Variants in PAK6 observed in about 807,000 individuals in gnomAD.
The protein encoded by PAK6 is serine/threonine-protein kinase PAK 6.
In PAK6, 33 loss-of-function variants were observed where a neutral mutation model predicts 60.8. That is an observed-to-expected ratio of 0.54 (90% CI 0.41 to 0.73). PAK6 has a LOEUF of 0.73. Ranked by LOEUF, PAK6 falls within the 30% of genes least tolerant of loss-of-function variation. PAK6 has a pLI of 0.00. For missense variants in PAK6, 845 were observed against 904.1 expected, an observed-to-expected ratio of 0.93 and a Z score of 0.84; for synonymous variants, 404 against 378.5, an observed-to-expected ratio of 1.07 and a Z score of -0.78.
At chr15:40,244,589 G>C (rs1162156187) in intron 2 of PAK6, among the ~76,000 whole-genome samples, 1 of 151,592 alleles carries the variant, frequency 6.6e-6, no homozygotes, top group Non-Finnish European at 1.5e-5. Flanking sequence ...GTAGAGATGG[G>C]GTTTCACTAT....
At chr15:40,258,621 T>G (rs113470257) in intron 3 of PAK6, 1 of 152,332 alleles carries the variant, frequency 6.6e-6, no homozygotes, top group African/African-American at 2.4e-5. Context: ...CCCAGGTACA[T>G]AGCTCCTTGA....
chr15:40,255,690 G>A (rs557376871), intron 3 of PAK6, among the ~76,000 whole-genome samples: 2 of 152,306 alleles, frequency 1.3e-5, no homozygotes, highest in East Asian at 1.9e-4. Flanking sequence ...TGGCAGACTC[G>A]GACCCCAGTA....
chr15:40,266,335 T>G (rs2039134910), exon 5 of PAK6: 11 of 1,612,334 alleles, frequency 6.8e-6, no homozygotes, highest in Middle Eastern at 1.7e-4. Flanking sequence ...CAGTCCTGCC[T>G]GGTGGGCTCA....
In PAK6 at chr15:40,273,420, TC is replaced by T; in HGVS notation, c.1566del (p.Ile523SerfsTer12). ...CTGGCCTACCTGCATGCTCAGGGTG[TC>T]ATCCACCGGGACATCAAGAGTGACT... On this transcript the variant is annotated frameshift_variant, in exon 8 of 11. Transcript: ENST00000560346. LOFTEE classifies it high-confidence loss of function. 6.2e-7 allele frequency: 1 copy of T among 1,613,972 alleles called. No individual in the cohort carries two copies. The highest frequency in any genetic ancestry group is 8.5e-7 in the Non-Finnish European group (1 of 1,179,986).
chr15:40,256,182 G>C (rs536835653), intron 3 of PAK6, among the ~76,000 whole-genome samples: 1 of 152,254 alleles, frequency 6.6e-6, no homozygotes, highest in African/African-American at 2.4e-5. Flanking sequence ...CTCTGATCGC[G>C]CCACTGCATT....
chr15:40,265,865 G>A (rs752111070), exon 5 of PAK6: 1 of 1,549,164 alleles, frequency 6.5e-7, no homozygotes, highest in Non-Finnish European at 8.7e-7. Flanking sequence ...GCAGCGCGAT[G>A]CCTGTGGATG....
At position 40,275,280 on chromosome 15, in the gene PAK6, G is replaced by GTTTTCTTTTTTTTTTTTTTTTT. The variant is rs1448905930; in HGVS notation, c.1879-643_1879-642insCTTTTTTTTTTTTTTTTTTTTT. Among the ~76,000 whole-genome samples, 6 of 56,512 alleles carry GTTTTCTTTTTTTTTTTTTTTTT rather than the reference G, an allele frequency of 1.1e-4. 2 individuals carry two copies. The highest frequency in any genetic ancestry group is 1.8e-4 in the Non-Finnish European group (6 of 32,504). 37.1% of individuals were successfully genotyped at this position (56,512 alleles called of 152,430 possible). ...GACTTGTTTGTTTCTGTTGTTGTTGGTTTTTTTTTTTTTTTTTTTTTTGGA... is the reference window on the plus strand; with the variant it reads ...GACTTGTTTGTTTCTGTTGTTGTTGGTTTTCTTTTTTTTTTTTTTTTTTTTTTTTTTTTTTTTTTTTTTTGGA... On this transcript the variant is annotated intron_variant, in intron 10 of 10. Transcript: ENST00000560346.
At chr15:40,269,701 G>C (rs1278520126) in intron 5 of PAK6, among the ~76,000 whole-genome samples, 1 of 152,200 alleles carries the variant, frequency 6.6e-6, no homozygotes, top group Non-Finnish European at 1.5e-5. Context: ...GACCAAGCCA[G>C]CTCCCCAGAC....
chr15:40,273,419 G>A (rs769157043), exon 8 of PAK6: 2 of 1,613,864 alleles, frequency 1.2e-6, no homozygotes, highest in African/African-American at 1.3e-5. Flanking sequence ...TGCTCAGGGT[G>A]TCATCCACCG....
intron 2 of PAK6, among the ~76,000 whole-genome samples, chr15:40,248,279 CAGAG>C (rs1204306926): frequency 6.6e-6 from 1 of 152,194 alleles, no homozygotes; most frequent in African/African-American, 2.4e-5. Context: ...GTCCCATCAG[CAGAG>C]AGAGATGGGT....
intron 2 of PAK6, chr15:40,252,427 T>C: frequency 7.4e-7 from 1 of 1,355,328 alleles, no homozygotes; most frequent in Non-Finnish European, 9.8e-7. Context: ...AGAGAAAGAG[T>C]TGAGCAGCAC....
At chr15:40,241,480 C>T (rs538691845) in intron 2 of PAK6, among the ~76,000 whole-genome samples, 1 of 152,122 alleles carries the variant, frequency 6.6e-6, no homozygotes, top group Non-Finnish European at 1.5e-5. Flanking sequence ...GGGGTTGAGG[C>T]CTTTGGGGCA....
intron 5 of PAK6, among the ~76,000 whole-genome samples, chr15:40,267,383 C>A (rs765978961): frequency 3.3e-5 from 5 of 152,186 alleles, no homozygotes; most frequent in Non-Finnish European, 5.9e-5. Context: ...GGCGGCCGCG[C>A]GTGGTGGCTC....
chr15:40,269,483 G>T (rs894270029), intron 5 of PAK6, among the ~76,000 whole-genome samples: 7 of 152,224 alleles, frequency 4.6e-5, no homozygotes, highest in Non-Finnish European at 1.0e-4. Flanking sequence ...TTCCCAAGAG[G>T]TCTATCACAT....
chr15:40,248,729 A>AC lies in PAK6; in HGVS notation c.-117-4446dup, dbSNP rs574452986. On this transcript the variant is annotated intron_variant, in intron 2 of 10. Transcript: ENST00000560346. ...AGAAATAGGAAGGGACGGTCCTCCTACCCGCACCCCAGCCCTCTTGTGTCT... is the reference window on the plus strand; with the variant it reads ...AGAAATAGGAAGGGACGGTCCTCCTACCCCGCACCCCAGCCCTCTTGTGTCT... Among the ~76,000 whole-genome samples the AC allele has an allele frequency of 1.8e-4, 27 of 146,672 alleles. 2 individuals carry two copies. The South Asian group carries it at 4.1e-3, about 22-fold the overall frequency.
In PAK6 at chr15:40,248,388, C is replaced by T. The variant is rs527954589; in HGVS notation, c.-117-4790C>T. 1.7e-4 allele frequency among the ~76,000 whole-genome samples: 26 copies of T among 152,326 alleles called. No individual in the cohort carries two copies. In the South Asian group the frequency reaches 4.6e-3, roughly 27 times the overall value. On this transcript the variant is annotated intron_variant, in intron 2 of 10. Transcript: ENST00000560346. ...TTTTCTCCCAAGAGTGCCTCTCTCC[C>T]AGGCTTCGGGCTCCAGGGTGAGTGG...
intron 4 of PAK6, among the ~76,000 whole-genome samples, chr15:40,265,291 T>C (rs1035699052): frequency 3.9e-5 from 6 of 152,226 alleles, no homozygotes; most frequent in Non-Finnish European, 7.4e-5. Context: ...CGTGTCCCAT[T>C]CAATATTTGG....
At chr15:40,263,086 G>T (rs1057361320) in intron 3 of PAK6, among the ~76,000 whole-genome samples, 16 of 152,178 alleles carry the variant, frequency 1.1e-4, no homozygotes, top group African/African-American at 3.6e-4. Context: ...TGAATTCCTA[G>T]TGGGGAACCA....
intron 2 of PAK6, chr15:40,251,505 A>T (rs1462090434): frequency 1.3e-5 from 2 of 152,520 alleles, no homozygotes; most frequent in Non-Finnish European, 2.9e-5. Context: ...AGTGAACAAA[A>T]ATAAGTGGCC....
Sources: gnomAD v4.1 joint callset for allele counts (sites outside exome capture counted in the v4.1 genomes callset) on GRCh38, gnomAD v4.1.1 for gene constraint, MANE v1.5 for transcripts, NCBI Gene and HGNC (gene_info 2026-07-23, HGNC 2026-07-21) for gene names.